The following CYRIB variants were observed in gnomAD, a reference collection of about 807,000 sequenced individuals.
CYRIB encodes the protein CYFIP-related Rac1 interactor B.
In CYRIB, 8 loss-of-function variants were observed where a neutral mutation model predicts 44.2. The ratio of observed to expected loss-of-function variants is 0.18; its 90% CI spans 0.11 to 0.33. The LOEUF is 0.33. Ranked by LOEUF, CYRIB falls within the 10% of genes least tolerant of loss-of-function variation. The probability of loss-of-function intolerance (pLI) is 1.00; values close to 1 mark genes in which losing one functional copy is unlikely to be tolerated. For missense variants in CYRIB, 185 were observed against 382.8 expected, an observed-to-expected ratio of 0.48 and a Z score of 4.31; for synonymous variants, 131 against 127.2, an observed-to-expected ratio of 1.03 and a Z score of -0.20.
chr8:130,010,229 C>G (rs7003672), intron 1 of CYRIB, among the ~76,000 whole-genome samples: 83,407 of 152,076 alleles, frequency 0.55, 24,370 homozygotes, highest in African/African-American at 0.76. Context: ...CCCTGATGAA[C>G]GAAGGTCAAG....
At chr8:129,905,280 C>T (rs1424355239) in intron 1 of CYRIB, among the ~76,000 whole-genome samples, 3 of 152,136 alleles carry the variant, frequency 2.0e-5, no homozygotes, top group Non-Finnish European at 4.4e-5. Flanking sequence ...TGCAGTGGCG[C>T]TACCTCAGCT....
intron 5 of CYRIB, among the ~76,000 whole-genome samples, chr8:129,859,967 A>C (rs963031638): frequency 2.6e-5 from 4 of 152,224 alleles, no homozygotes; most frequent in African/African-American, 9.6e-5. Flanking sequence ...CTTCAAATTA[A>C]GCAGGTAATC....
chr8:129,914,847 C>A (rs1035078643), intron 1 of CYRIB, among the ~76,000 whole-genome samples: 3 of 152,176 alleles, frequency 2.0e-5, no homozygotes, highest in Non-Finnish European at 4.4e-5. Flanking sequence ...GTATACACAA[C>A]TTTCACAACC....
intron 1 of CYRIB, among the ~76,000 whole-genome samples, chr8:129,972,745 C>T (rs752296852): frequency 6.6e-5 from 10 of 151,786 alleles, no homozygotes; most frequent in Non-Finnish European, 1.2e-4. Flanking sequence ...AGGAACATAC[C>T]CCACGCACAT....
At chr8:129,904,284 G>C (rs577631166) in intron 1 of CYRIB, among the ~76,000 whole-genome samples, 1 of 152,056 alleles carries the variant, frequency 6.6e-6, no homozygotes, top group Non-Finnish European at 1.5e-5. Context: ...AATAGGAGAC[G>C]TCTACAGGAA....
chr8:129,922,952 G>A (rs1489391292), intron 1 of CYRIB, among the ~76,000 whole-genome samples: 1 of 151,326 alleles, frequency 6.6e-6, no homozygotes, highest in Non-Finnish European at 1.5e-5. Flanking sequence ...TTCTCCGGCC[G>A]GGCGCGGTGG....
At chr8:129,943,911 TAAAAAAAAAAA>T (rs545370945), upstream of CYRIB, among the ~76,000 whole-genome samples, 2 of 108,060 alleles carry the variant, frequency 1.9e-5, no homozygotes, top group African/African-American at 7.4e-5. Context: ...GACTCCATCT[TAAAAAAAAAAA>T]AAAAAAAAAA....
chr8:129,900,609 G>A (rs2071080347), intron 2 of CYRIB, among the ~76,000 whole-genome samples: 1 of 152,092 alleles, frequency 6.6e-6, no homozygotes, highest in South Asian at 2.1e-4. Context: ...ACTACTATTC[G>A]TATCTTTCCT....
chr8:129,873,412 A>G (rs2058051050), intron 3 of CYRIB, among the ~76,000 whole-genome samples: 1 of 152,008 alleles, frequency 6.6e-6, no homozygotes, highest in African/African-American at 2.4e-5. Context: ...ATATTTTCCA[A>G]TGTAATAGTC....
intron 1 of CYRIB, among the ~76,000 whole-genome samples, chr8:129,998,131 A>C (rs57689420): frequency 0.058 from 8,640 of 150,008 alleles, 401 homozygotes; most frequent in South Asian, 0.22. Context: ...AAAAAAAAAA[A>C]AAAAAAACAA....
chr8:129,931,377 T>C (rs898205529), intron 1 of CYRIB, among the ~76,000 whole-genome samples: 1 of 152,300 alleles, frequency 6.6e-6, no homozygotes, highest in South Asian at 2.1e-4. Flanking sequence ...CCCAAGATGG[T>C]TTTCTCATAT....
At chr8:129,904,338 G>C (rs2135875946) in intron 1 of CYRIB, among the ~76,000 whole-genome samples, 161 bp downstream of exon 3, 1 of 152,118 alleles carries the variant, frequency 6.6e-6, no homozygotes, top group South Asian at 2.1e-4. Context: ...AAAATTTGAA[G>C]GTGTTAACAC....
chr8:129,962,585 TA>T (rs905600931), intron 2 of CYRIB, among the ~76,000 whole-genome samples: 7 of 152,124 alleles, frequency 4.6e-5, no homozygotes, highest in African/African-American at 1.7e-4. Flanking sequence ...TGGAAACAGC[TA>T]TCATATGTCT....
chr8:129,855,780 G>A, intron 5 of CYRIB, 33 bp from the exon 8 acceptor site: 1 of 1,568,248 alleles, frequency 6.4e-7, no homozygotes, highest in South Asian at 1.2e-5. Flanking sequence ...ACATTAAGTT[G>A]TTTGTATCTG....
intron 2 of CYRIB, among the ~76,000 whole-genome samples, chr8:129,889,771 G>T (rs1391728468): frequency 6.6e-6 from 1 of 151,772 alleles, no homozygotes; most frequent in African/African-American, 2.4e-5. Flanking sequence ...TGCTTCTTAT[G>T]GATAATCAAA....
intron 7 of CYRIB, among the ~76,000 whole-genome samples, chr8:129,854,001 T>A (rs887282972): frequency 3.3e-5 from 5 of 152,126 alleles, no homozygotes; most frequent in Admixed American, 2.0e-4. Context: ...TGAGAGTACA[T>A]CGCGAAATTT....
intron 9 of CYRIB, chr8:129,850,105 A>C (rs1408579778): frequency 6.6e-6 from 1 of 152,202 alleles, no homozygotes; most frequent in Non-Finnish European, 1.5e-5. Context: ...TGGTGGGGGG[A>C]AGGAAGATGA....
chr8:129,889,164 G>T (rs549026386), intron 2 of CYRIB, among the ~76,000 whole-genome samples: 6 of 152,122 alleles, frequency 3.9e-5, no homozygotes, highest in Non-Finnish European at 8.8e-5. Context: ...TCTCTAAATG[G>T]TACAACAAAG....
intron 1 of CYRIB, among the ~76,000 whole-genome samples, chr8:129,934,518 C>T (rs1341764113): frequency 6.6e-6 from 1 of 152,216 alleles, no homozygotes; most frequent in African/African-American, 2.4e-5. Context: ...TGCAGGCCTC[C>T]ACAACAACTG....
Sources: allele counts gnomAD v4.1 joint callset (sites outside exome capture counted in the v4.1 genomes callset), GRCh38; gene constraint gnomAD v4.1.1; transcripts MANE v1.5; gene names NCBI Gene and HGNC (gene_info 2026-07-23, HGNC 2026-07-21).